Variants in RTCB observed in about 807,000 individuals in gnomAD.
The protein encoded by RTCB is RNA 2',3'-cyclic phosphate and 5'-OH ligase.
In RTCB, 32 loss-of-function variants were observed where a neutral mutation model predicts 58.2. The observed-to-expected ratio is 0.55, with a 90% CI of 0.41 to 0.74. The LOEUF is 0.74. Ranked by LOEUF, RTCB falls within the 30% of genes least tolerant of loss-of-function variation. RTCB has a pLI of 0.00. For missense variants in RTCB, 523 were observed against 639.0 expected, an observed-to-expected ratio of 0.82 and a Z score of 1.96; for synonymous variants, 247 against 218.6, an observed-to-expected ratio of 1.13 and a Z score of -1.15.
intron 9 of RTCB, among the ~76,000 whole-genome samples, chr22:32,394,240 T>C (rs529857199): frequency 2.0e-5 from 3 of 151,862 alleles, no homozygotes; most frequent in Admixed American, 1.3e-4. Context: ...GCCTCCCGAG[T>C]TGCTGGGACC....
At chr22:32,406,481 C>T (rs1933423181) in intron 4 of RTCB, among the ~76,000 whole-genome samples, 181 bp downstream of exon 4, 1 of 152,076 alleles carries the variant, frequency 6.6e-6, no homozygotes, top group African/African-American at 2.4e-5. Flanking sequence ...CGTCACCACC[C>T]CCAGCTAATT....
chr22:32,401,565 A>G (rs1933337106), intron 5 of RTCB, 182 bp downstream of exon 5: 9 of 585,754 alleles, frequency 1.5e-5, no homozygotes, highest in Non-Finnish European at 2.6e-5. Context: ...CTGTTATAAC[A>G]TCGGTTGACT....
chr22:32,396,520 C>T (rs1241932582), intron 7 of RTCB, among the ~76,000 whole-genome samples: 1 of 152,208 alleles, frequency 6.6e-6, no homozygotes, highest in Non-Finnish European at 1.5e-5. Flanking sequence ...AAACAAATAG[C>T]CACAAGATGG....
chr22:32,387,919 T>C lies in RTCB; in HGVS notation c.*73A>G. On this transcript the variant is annotated 3_prime_UTR_variant, in exon 12 of 12. Coordinates refer to ENST00000216038, the MANE Select transcript of RTCB (RefSeq NM_014306.5). The stretch of plus-strand genomic sequence containing the variant: ...AACTTGTCCCGCCTTGAGTCTGATG[T>C]CAGAAGAGCATGTCAGTCCACTTCC... 2 of 1,009,248 alleles carry C rather than the reference T, an allele frequency of 2.0e-6. No individual in the cohort carries two copies. The highest frequency in any genetic ancestry group is 3.1e-6 in the Non-Finnish European group (2 of 637,846). The allele number at this position is 1,009,248 out of a possible 1,614,324, so 62.5% of individuals were successfully genotyped here. A position where few individuals can be genotyped will look rare whatever the true frequency, so the allele number is the denominator to read the frequency against.
At chr22:32,406,285 G>A (rs1933418424) in intron 4 of RTCB, among the ~76,000 whole-genome samples, 1 of 152,092 alleles carries the variant, frequency 6.6e-6, no homozygotes, top group South Asian at 2.1e-4. Flanking sequence ...ATGGAGAGAA[G>A]TGCTCTGTTT....
chr22:32,389,151 T>C (rs1933109526), intron 11 of RTCB, among the ~76,000 whole-genome samples: 1 of 152,204 alleles, frequency 6.6e-6, no homozygotes, highest in Non-Finnish European at 1.5e-5. Context: ...TAGTTATCTG[T>C]GGGAGCCTGA....
At chr22:32,388,180 A>C (rs1933089669) in intron 11 of RTCB, 81 bp from the exon 12 acceptor site, 5 of 815,290 alleles carry the variant, frequency 6.1e-6, no homozygotes, top group Non-Finnish European at 1.0e-5. Flanking sequence ...TTGTGATGAA[A>C]TAAATGCACA....
chr22:32,395,207 G>A lies in RTCB; in HGVS notation c.998C>T (p.Ala333Val), dbSNP rs780941012. Residue 333 changes from alanine (A) to valine (V), a missense_variant, in exon 9 of 12, where the codon GCC (alanine) becomes GTC (valine). By Grantham distance (64) the Ala-to-Val change is moderately conservative. This residue lies in a region of RTCB where 248 missense variants were observed against 292.5 expected (regional missense o/e 0.85). Transcript: ENST00000216038. The part of the protein sequence containing the change: ...SMTFLTRQAF[A>V]KVFNTTPDDL... ...ATCAGGGGTTGTGTTGAAGACCTTGGCGAAAGCCTAGGAGAAAACACAGAA... is the reference window on the plus strand; with the variant it reads ...ATCAGGGGTTGTGTTGAAGACCTTGACGAAAGCCTAGGAGAAAACACAGAA... The A allele has an allele frequency of 1.9e-6, 3 of 1,613,994 alleles. No homozygotes were observed. In the East Asian group the frequency reaches 6.7e-5, roughly 36 times the overall value.
chr22:32,411,165 G>A (rs897681097), intron 1 of RTCB, among the ~76,000 whole-genome samples: 4 of 152,168 alleles, frequency 2.6e-5, no homozygotes, highest in Non-Finnish European at 4.4e-5. Flanking sequence ...CTTTGATTCT[G>A]AATAAAAGAA....
intron 1 of RTCB, 97 bp downstream of exon 1, chr22:32,411,967 G>T: frequency 1.2e-6 from 1 of 852,502 alleles, no homozygotes; most frequent in South Asian, 1.7e-5. Flanking sequence ...GGGCCGGGGC[G>T]GACCCAGTGG....
At chr22:32,393,049 G>A (rs907763721) in intron 10 of RTCB, among the ~76,000 whole-genome samples, 1 of 152,176 alleles carries the variant, frequency 6.6e-6, no homozygotes, top group Non-Finnish European at 1.5e-5. Flanking sequence ...CAATCCTCCT[G>A]CCTTAGCCTC....
At chr22:32,406,872 A>C in intron 3 of RTCB, 111 bp from the exon 4 acceptor site, 1 of 660,186 alleles carries the variant, frequency 1.5e-6, no homozygotes, top group Non-Finnish European at 2.7e-6. Flanking sequence ...CTTTCCCTAA[A>C]TCAAGACTGT....
intron 3 of RTCB, 142 bp downstream of exon 3, chr22:32,408,033 T>C: frequency 2.9e-6 from 2 of 700,520 alleles, no homozygotes; most frequent in Non-Finnish European, 4.9e-6. Flanking sequence ...GCGGGTGGCA[T>C]GAGCCACTGA....
At chr22:32,390,606 G>A (rs1294457137) in intron 11 of RTCB, among the ~76,000 whole-genome samples, 1 of 151,978 alleles carries the variant, frequency 6.6e-6, no homozygotes, top group Non-Finnish European at 1.5e-5. Context: ...CCGCCACCAC[G>A]CCCGGCTAAT....
chr22:32,406,103 G>A (rs999778101), intron 4 of RTCB, among the ~76,000 whole-genome samples: 1 of 152,138 alleles, frequency 6.6e-6, no homozygotes, highest in Non-Finnish European at 1.5e-5. Flanking sequence ...AAAATTGCCA[G>A]TTTGTTTTGT....
At chr22:32,390,839 C>G (rs949458610) in intron 11 of RTCB, among the ~76,000 whole-genome samples, 1 of 152,204 alleles carries the variant, frequency 6.6e-6, no homozygotes. Flanking sequence ...TTGTCATACT[C>G]TGACTCAGTA....
At chr22:32,408,705 A>G (rs1259183667) in intron 2 of RTCB, 50 bp downstream of exon 2, 1 of 1,350,508 alleles carries the variant, frequency 7.4e-7, no homozygotes, top group African/African-American at 1.4e-5. Context: ...TTTTCAGGCC[A>G]CAGGGAAGGC....
At chr22:32,407,445 T>A (rs1461971450) in intron 3 of RTCB, 1 of 152,620 alleles carries the variant, frequency 6.6e-6, no homozygotes, top group Non-Finnish European at 1.5e-5. Context: ...GTGGGGGCTA[T>A]GCTGTCCTCT....
intron 3 of RTCB, 80 bp from the exon 4 acceptor site, chr22:32,406,841 CA>C (rs1029593067): frequency 1.1e-6 from 1 of 946,536 alleles, no homozygotes; most frequent in Non-Finnish European, 1.7e-6. Context: ...CACTGATTCT[CA>C]AACAGGTTGC....
Sources: allele counts gnomAD v4.1 joint callset (sites outside exome capture counted in the v4.1 genomes callset), GRCh38; gene constraint gnomAD v4.1.1; regional missense constraint gnomAD v4.1.1; transcripts MANE v1.5; gene names NCBI Gene and HGNC (gene_info 2026-07-23, HGNC 2026-07-21).